CNGA1: variants seen among roughly 807,000 people sequenced by gnomAD.
CNGA1 encodes cyclic nucleotide gated channel subunit alpha 1.
CNGA1 carries 53 observed loss-of-function variants against 69.7 expected under a neutral mutation model. The observed-to-expected ratio is 0.76, with a 90% CI of 0.61 to 0.96. The LOEUF (loss-of-function observed/expected upper bound fraction) is 0.96, where lower values mean the gene tolerates loss of function less well. Ranked by LOEUF, CNGA1 falls within the 40% of genes least tolerant of loss-of-function variation. The pLI, the probability that CNGA1 is intolerant of heterozygous loss-of-function variation, is 0.00. For synonymous variants in CNGA1, 249 were observed against 283.5 expected, an observed-to-expected ratio of 0.88 and a Z score of 1.22; for missense variants, 739 against 811.2, an observed-to-expected ratio of 0.91 and a Z score of 1.08.
intron 1 of CNGA1, among the ~76,000 whole-genome samples, chr4:48,011,750 TG>T (rs1303019287): frequency 2.0e-5 from 3 of 152,146 alleles, no homozygotes; most frequent in Non-Finnish European, 2.9e-5. Flanking sequence ...CAGGTGGGTG[TG>T]GGGGGCTTCC....
intron 2 of CNGA1, among the ~76,000 whole-genome samples, chr4:47,987,830 C>T (rs1050687434): frequency 1.3e-5 from 2 of 152,110 alleles, no homozygotes; most frequent in African/African-American, 2.4e-5. Context: ...CAGAGGTAGC[C>T]ATGCCCACTT....
At chr4:47,956,667 G>A (rs761516544) in intron 3 of CNGA1, among the ~76,000 whole-genome samples, 27 of 152,108 alleles carry the variant, frequency 1.8e-4, no homozygotes, top group Non-Finnish European at 3.4e-4. Flanking sequence ...TAGAACATTG[G>A]AAATGGTTGC....
intron 3 of CNGA1, among the ~76,000 whole-genome samples, chr4:47,955,161 CTTTT>C (rs1364892435): frequency 4.5e-5 from 6 of 132,340 alleles, no homozygotes; most frequent in Admixed American, 8.5e-5. Context: ...TTCTCTGTCT[CTTTT>C]TTCTTTTCTT....
At chr4:48,004,457 C>G (rs1714814195) in intron 2 of CNGA1, among the ~76,000 whole-genome samples, 1 of 152,132 alleles carries the variant, frequency 6.6e-6, no homozygotes. Context: ...TGGGGCTGGA[C>G]CCTACACTTT....
intron 6 of CNGA1, among the ~76,000 whole-genome samples, chr4:47,944,606 T>A (rs1326180994): frequency 6.6e-6 from 1 of 152,110 alleles, no homozygotes; most frequent in Non-Finnish European, 1.5e-5. Context: ...CATCTTGAAG[T>A]GGATACACTG....
At chr4:47,975,874 C>T (rs1361691177) in intron 3 of CNGA1, among the ~76,000 whole-genome samples, 1 of 151,830 alleles carries the variant, frequency 6.6e-6, no homozygotes, top group African/African-American at 2.4e-5. Context: ...CACTTCTCTA[C>T]CTTCATTGAC....
intron 6 of CNGA1, among the ~76,000 whole-genome samples, chr4:47,944,725 A>C (rs1199997898): frequency 6.6e-6 from 1 of 152,222 alleles, no homozygotes; most frequent in East Asian, 1.9e-4. Context: ...TGAGAAGTTC[A>C]GTGGTACTAT....
Position 47,937,577 on chromosome 4 carries a change from T to C in CNGA1, c.905A>G (p.Tyr302Cys). The change falls in exon 11 of 11, where the codon TAT (tyrosine) becomes TGT (cysteine). Residue 302 changes from tyrosine to cysteine, a missense_variant. Tyr to Cys is a radical substitution (Grantham distance 194, BLOSUM62 -2). Coordinates refer to ENST00000514170, the MANE Select transcript of CNGA1 (RefSeq NM_001379270.1). ...NIFRISNLVM[Y>C]IVIIIHWNAC... is the part of the protein sequence containing the mutation. Reference sequence around the variant, plus strand: ...ATTCCAGTGGATAATGATGACGATATACATAACAAGGTTGGAAATCCTGAA... The same window carrying C: ...ATTCCAGTGGATAATGATGACGATACACATAACAAGGTTGGAAATCCTGAA... The C allele has an allele frequency of 6.2e-7, 1 of 1,614,158 alleles. No homozygotes were observed. The highest frequency in any genetic ancestry group is 8.5e-7 in the Non-Finnish European group (1 of 1,180,020).
At chr4:48,016,295 C>T (rs948592189) in intron 1 of CNGA1, among the ~76,000 whole-genome samples, 188 bp downstream of exon 1, 2 of 152,132 alleles carry the variant, frequency 1.3e-5, no homozygotes, top group African/African-American at 4.8e-5. Flanking sequence ...TCAGCAGCCC[C>T]CAAAATAAAC....
intron 2 of CNGA1, among the ~76,000 whole-genome samples, chr4:47,997,338 T>G (rs907190867): frequency 4.6e-5 from 7 of 152,186 alleles, no homozygotes; most frequent in Non-Finnish European, 7.4e-5. Context: ...ATGTACTACA[T>G]TACTAAATAT....
intron 10 of CNGA1, among the ~76,000 whole-genome samples, chr4:47,940,561 C>G (rs1452100682): frequency 6.6e-6 from 1 of 152,170 alleles, no homozygotes; most frequent in Non-Finnish European, 1.5e-5. Flanking sequence ...AAAAAGTTGC[C>G]TGGTAACTTC....
chr4:47,970,547 G>A (rs1740958460), intron 3 of CNGA1, among the ~76,000 whole-genome samples: 1 of 151,928 alleles, frequency 6.6e-6, no homozygotes, highest in South Asian at 2.1e-4. Context: ...AGCTACTCGG[G>A]AGGCTGAGGC....
chr4:47,970,843 G>T, intron 3 of CNGA1: 1 of 452,468 alleles, frequency 2.2e-6, no homozygotes, highest in South Asian at 1.6e-5. Context: ...GAAAAAAAAG[G>T]TATTGGAAAT....
chr4:47,948,014 C>T (rs1162151303), intron 6 of CNGA1, among the ~76,000 whole-genome samples: 2 of 152,112 alleles, frequency 1.3e-5, no homozygotes, highest in East Asian at 1.9e-4. Flanking sequence ...CTCCTGACAC[C>T]ATGGAAGGGG....
Position 47,937,091 on chromosome 4 carries a change from T to C in CNGA1, c.1391A>G (p.Asn464Ser), listed in dbSNP as rs749947364. The change falls in exon 11 of 11, where the codon AAC (asparagine) becomes AGC (serine). Residue 464 changes from asparagine to serine, a missense_variant. By Grantham distance (46) the Asn-to-Ser change is conservative. Coordinates refer to ENST00000514170, the MANE Select transcript of CNGA1 (RefSeq NM_001379270.1). ...CTTTTTTAATGTGTCTAAGTGAACG[T>C]TGATGGCAATTTCTGCTCTTAGTTT... is the stretch of plus-strand genomic sequence containing the variant. ...PDKLRAEIAI[N>S]VHLDTLKKVR... 11 of 1,614,082 alleles carry C rather than the reference T, an allele frequency of 6.8e-6. No individual in the cohort carries two copies. In the Admixed American group the frequency reaches 1.2e-4, roughly 17 times the overall value.
intron 2 of CNGA1, among the ~76,000 whole-genome samples, chr4:47,984,885 C>CT (rs1741918357): frequency 6.6e-6 from 1 of 151,894 alleles, no homozygotes; most frequent in Non-Finnish European, 1.5e-5. Flanking sequence ...TGTGGAAGAC[C>CT]TTTTTGTTTT....
chr4:48,008,397 T>A (rs1560316217), intron 2 of CNGA1, among the ~76,000 whole-genome samples: 1 of 152,176 alleles, frequency 6.6e-6, no homozygotes, highest in Non-Finnish European at 1.5e-5. Flanking sequence ...TTTCTTTACA[T>A]CTCTCTTATT....
Position 47,937,066 on chromosome 4 carries a change from C to G in CNGA1, c.1416G>C (p.Lys472Asn), listed in dbSNP as rs369602927. 1 of 1,614,130 alleles carries G rather than the reference C, an allele frequency of 6.2e-7. No individual in the cohort carries two copies. Among genetic ancestry groups the G allele is most frequent in the South Asian group, 1.1e-5 (1 of 91,074 alleles). Residue 472 changes from lysine to asparagine, a missense_variant, in exon 11 of 11, where the codon AAG becomes AAC. Lys to Asn is a moderately conservative substitution (Grantham distance 94). Coordinates refer to ENST00000514170, the MANE Select transcript of CNGA1 (RefSeq NM_001379270.1). ...CTTCACAATCAGCAAAAATGCGTAC[C>G]TTTTTTAATGTGTCTAAGTGAACGT... ...AINVHLDTLK[K>N]VRIFADCEAG...
At chr4:47,984,663 TACAC>T (rs60055899) in intron 2 of CNGA1, among the ~76,000 whole-genome samples, 5,607 of 127,178 alleles carry the variant, frequency 0.044, 356 homozygotes, top group African/African-American at 0.14. Flanking sequence ...TATATATATA[TACAC>T]ACACACACAC....
Sources: allele counts gnomAD v4.1 joint callset (sites outside exome capture counted in the v4.1 genomes callset), GRCh38; gene constraint gnomAD v4.1.1; transcripts MANE v1.5; gene names NCBI Gene and HGNC (gene_info 2026-07-23, HGNC 2026-07-21).